Variants in ANTXR2 observed in about 807,000 individuals in gnomAD.
ANTXR2 encodes the protein anthrax toxin receptor 2.
A neutral mutation model predicts 73.7 loss-of-function variants in ANTXR2; 44 were observed. That is an observed-to-expected ratio of 0.60 (90% CI 0.47 to 0.77). The LOEUF is 0.77. Ranked by LOEUF, ANTXR2 falls within the 30% of genes least tolerant of loss-of-function variation. The pLI, the probability that ANTXR2 is intolerant of heterozygous loss-of-function variation, is 0.00. For missense variants in ANTXR2, 604 were observed against 592.5 expected (o/e 1.02, Z -0.20); for synonymous variants, 217 against 205.9 (o/e 1.05, Z -0.46).
chr4:79,997,705 G>C (rs1420214728), intron 12 of ANTXR2, among the ~76,000 whole-genome samples: 3 of 151,872 alleles, frequency 2.0e-5, no homozygotes, highest in Admixed American at 2.0e-4. Context: ...TAAATAAGTA[G>C]CCTGAAATCT....
chr4:80,068,612 A>T (rs892971164), intron 3 of ANTXR2, among the ~76,000 whole-genome samples: 10 of 152,086 alleles, frequency 6.6e-5, no homozygotes, highest in African/African-American at 2.4e-4. Context: ...TCTACTAAAA[A>T]AATACAAAAA....
intron 16 of ANTXR2, among the ~76,000 whole-genome samples, chr4:79,926,114 G>A (rs1727770209): frequency 6.6e-6 from 1 of 152,036 alleles, no homozygotes; most frequent in Admixed American, 6.6e-5. Context: ...TTAAGTTTCT[G>A]CTGAATTAAT....
At chr4:79,914,227 A>G (rs193102750) in intron 16 of ANTXR2, among the ~76,000 whole-genome samples, 19 of 152,270 alleles carry the variant, frequency 1.2e-4, no homozygotes, top group African/African-American at 4.3e-4. Context: ...CTTTTATTAT[A>G]TAATGGCAAC....
At chr4:79,998,228 A>G (rs1159634782) in intron 12 of ANTXR2, among the ~76,000 whole-genome samples, 2 of 152,034 alleles carry the variant, frequency 1.3e-5, no homozygotes, top group Non-Finnish European at 2.9e-5. Flanking sequence ...AACATAAAAA[A>G]GACCATTTGT....
chr4:80,057,677 T>A (rs1734060401), intron 3 of ANTXR2, among the ~76,000 whole-genome samples: 1 of 149,850 alleles, frequency 6.7e-6, no homozygotes, highest in African/African-American at 2.4e-5. Flanking sequence ...TTTCTAGTCA[T>A]ACTCATATTC....
chr4:79,979,630 C>A (rs935849449), intron 14 of ANTXR2, among the ~76,000 whole-genome samples: 2 of 152,194 alleles, frequency 1.3e-5, no homozygotes, highest in Middle Eastern at 3.4e-3. Flanking sequence ...ATCAATGATA[C>A]TAGAATGTTT....
chr4:79,973,801 G>C (rs556440228), intron 16 of ANTXR2, among the ~76,000 whole-genome samples: 1 of 152,168 alleles, frequency 6.6e-6, no homozygotes, highest in Admixed American at 6.5e-5. Flanking sequence ...TGTGGGGGAT[G>C]GGGGTGAAGA....
At chr4:80,060,105 T>A (rs1372634777) in intron 3 of ANTXR2, among the ~76,000 whole-genome samples, 2 of 151,994 alleles carry the variant, frequency 1.3e-5, no homozygotes, top group African/African-American at 4.8e-5. Flanking sequence ...CTGTTGAGCA[T>A]CTGTTGTATG....
intron 3 of ANTXR2, among the ~76,000 whole-genome samples, chr4:80,065,503 A>C (rs970096006): frequency 6.6e-6 from 1 of 152,230 alleles, no homozygotes; most frequent in Non-Finnish European, 1.5e-5. Flanking sequence ...GGAATGGACT[A>C]ACAGACATAT....
chr4:80,025,617 A>T (rs2110076060), intron 10 of ANTXR2, among the ~76,000 whole-genome samples: 1 of 152,316 alleles, frequency 6.6e-6, no homozygotes, highest in South Asian at 2.1e-4. Context: ...AAGTGATACT[A>T]TTTAATGTTC....
intron 12 of ANTXR2, among the ~76,000 whole-genome samples, chr4:79,989,937 T>C (rs559348623): frequency 6.6e-6 from 1 of 151,978 alleles, no homozygotes; most frequent in African/African-American, 2.4e-5. Context: ...CCACATCCCT[T>C]CATGTTAAAA....
At chr4:80,004,933 G>T (rs1731233611) in intron 12 of ANTXR2, among the ~76,000 whole-genome samples, 3 of 151,284 alleles carry the variant, frequency 2.0e-5, no homozygotes, top group African/African-American at 7.3e-5. Context: ...TTGCTGTTGA[G>T]GCAGAAAAAA....
At chr4:80,022,058 G>C (rs1732192287) in intron 10 of ANTXR2, among the ~76,000 whole-genome samples, 1 of 152,170 alleles carries the variant, frequency 6.6e-6, no homozygotes, top group African/African-American at 2.4e-5. Flanking sequence ...AAGGTAACTT[G>C]TCCAAATATT....
chr4:80,068,771 C>CA (rs1467594843), intron 3 of ANTXR2, among the ~76,000 whole-genome samples: 4 of 151,880 alleles, frequency 2.6e-5, no homozygotes, highest in African/African-American at 4.8e-5. Context: ...GACTCTGTCT[C>CA]AAAAAATAAA....
intron 7 of ANTXR2, among the ~76,000 whole-genome samples, chr4:80,044,193 GCAAA>G (rs1733410816): frequency 6.6e-6 from 1 of 151,900 alleles, no homozygotes; most frequent in Non-Finnish European, 1.5e-5. Context: ...AACATCCATA[GCAAA>G]AATAACCAGA....
At chr4:80,019,021 G>C in intron 10 of ANTXR2, 45 bp from the exon 11 acceptor site, 3 of 1,250,568 alleles carry the variant, frequency 2.4e-6, no homozygotes, top group Non-Finnish European at 3.2e-6. Flanking sequence ...TTTAAAACCA[G>C]AGGAGTAGGA....
At chr4:80,022,525 T>C (rs1190690743) in intron 10 of ANTXR2, among the ~76,000 whole-genome samples, 1 of 152,218 alleles carries the variant, frequency 6.6e-6, no homozygotes, top group East Asian at 1.9e-4. Context: ...CCAAATTCGG[T>C]AAGCTTTCCT....
chr4:79,935,205 A>G (rs1399469288), intron 16 of ANTXR2, among the ~76,000 whole-genome samples: 1 of 152,146 alleles, frequency 6.6e-6, no homozygotes, highest in East Asian at 1.9e-4. Context: ...TTTAAAAATT[A>G]CATGTCATCG....
chr4:79,915,862 C>CTCTCTATATA (rs377006532), intron 16 of ANTXR2, among the ~76,000 whole-genome samples: 122 of 123,862 alleles, frequency 9.8e-4, no homozygotes, highest in African/African-American at 2.6e-3. Flanking sequence ...CTCTCTCTCT[C>CTCTCTATATA]TATATATATA....
Sources: allele counts gnomAD v4.1 joint callset (sites outside exome capture counted in the v4.1 genomes callset), GRCh38; gene constraint gnomAD v4.1.1; transcripts MANE v1.5; gene names NCBI Gene and HGNC (gene_info 2026-07-23, HGNC 2026-07-21).